PRKN: variants seen among roughly 807,000 people sequenced by gnomAD.
PRKN encodes parkin RBR E3 ubiquitin protein ligase.
In PRKN, 56 loss-of-function variants were observed where a neutral mutation model predicts 59.5. That is an observed-to-expected ratio of 0.94 (90% CI 0.76 to 1.18). PRKN has a LOEUF of 1.18. PRKN is among the 50% of genes most tolerant of loss of function. The probability of loss-of-function intolerance (pLI) is 0.00; values close to 1 mark genes in which losing one functional copy is unlikely to be tolerated. For synonymous variants in PRKN, 250 were observed against 222.1 expected (o/e 1.13, Z -1.12); for missense variants, 657 against 596.4 (o/e 1.10, Z -1.06).
intron 1 of PRKN, among the ~76,000 whole-genome samples, chr6:162,668,182 T>C (rs1237265678): frequency 1.3e-5 from 2 of 152,224 alleles, no homozygotes; most frequent in African/African-American, 2.4e-5. Flanking sequence ...CATCAGAGTA[T>C]TTCATCAAGA....
At chr6:162,663,961 C>A (rs1464132579) in intron 1 of PRKN, among the ~76,000 whole-genome samples, 1 of 151,308 alleles carries the variant, frequency 6.6e-6, no homozygotes, top group Non-Finnish European at 1.5e-5. Flanking sequence ...GCAGAACATG[C>A]AGGTATACAC....
rs993988096 is a variant in PRKN, at chr6:161,409,176, C to T, written c.1084-22299G>A. Among the ~76,000 whole-genome samples, 4 of 152,136 alleles carry T rather than the reference C, an allele frequency of 2.6e-5. No individual in the cohort carries two copies. Among genetic ancestry groups the T allele is most frequent in the Non-Finnish European group, 4.4e-5 (3 of 68,034 alleles). The stretch of plus-strand genomic sequence containing the variant: ...GGCCAGGCTGGTCTCGAACTCCTGA[C>T]CTTGTGATCCACCCGCACTGGACTC... On this transcript the variant is annotated intron_variant, in intron 9 of 11. Transcript: ENST00000366898. The surrounding 1 kb of genome is among the most constrained non-coding windows in gnomAD (Gnocchi z 4.6).
chr6:162,670,253 A>G (rs1318939975), intron 1 of PRKN, among the ~76,000 whole-genome samples: 1 of 152,226 alleles, frequency 6.6e-6, no homozygotes, highest in African/African-American at 2.4e-5. Flanking sequence ...TTTTGTAACT[A>G]GCTCTAAGAA....
At chr6:162,509,666 C>T (rs1445494657) in intron 1 of PRKN, among the ~76,000 whole-genome samples, 1 of 152,134 alleles carries the variant, frequency 6.6e-6, no homozygotes, top group Non-Finnish European at 1.5e-5. Flanking sequence ...TAGCAAATGT[C>T]TTACATTACA....
intron 2 of PRKN, among the ~76,000 whole-genome samples, chr6:162,392,035 G>A (rs548444139): frequency 8.8e-6 from 1 of 113,490 alleles, no homozygotes; most frequent in South Asian, 2.8e-4. Context: ...GCCATTTCAT[G>A]ATTTTTTTTT....
intron 1 of PRKN, among the ~76,000 whole-genome samples, chr6:162,629,801 ATT>A (rs1030513499): frequency 2.0e-5 from 3 of 152,182 alleles, no homozygotes; most frequent in Non-Finnish European, 4.4e-5. Context: ...TTAAATCTGA[ATT>A]TTGTCACAGA....
At chr6:161,711,635 G>T (rs1475313476) in intron 7 of PRKN, among the ~76,000 whole-genome samples, 1 of 152,134 alleles carries the variant, frequency 6.6e-6, no homozygotes, top group East Asian at 1.9e-4. Context: ...TTCTGTGAGG[G>T]TGTTGCCAAA....
At chr6:162,711,419 T>TC (rs1562517053) in intron 1 of PRKN, among the ~76,000 whole-genome samples, 1 of 23,720 alleles carries the variant, frequency 4.2e-5, no homozygotes, top group Non-Finnish European at 7.7e-5. Context: ...AAACTGCTAT[T>TC]TAAAAAAAAA....
intron 7 of PRKN, among the ~76,000 whole-genome samples, chr6:161,667,190 C>T (rs948004068): frequency 1.3e-5 from 2 of 152,134 alleles, no homozygotes; most frequent in Non-Finnish European, 2.9e-5. Flanking sequence ...GGAGTTTTAG[C>T]CGTCATCATT....
intron 7 of PRKN, among the ~76,000 whole-genome samples, chr6:161,779,133 T>A (rs926907615): frequency 1.3e-5 from 2 of 151,864 alleles, no homozygotes; most frequent in African/African-American, 2.4e-5. Flanking sequence ...GGACACGGGG[T>A]TTCACCACGT....
rs554910970 is a variant in PRKN, at chr6:162,397,851, A to T, written c.171+45459T>A. Among the ~76,000 whole-genome samples, 3 of 152,046 alleles carry T rather than the reference A, an allele frequency of 2.0e-5. No homozygotes were observed. In the South Asian group the frequency reaches 6.2e-4, roughly 31 times the overall value. On this transcript the variant is annotated intron_variant, in intron 2 of 11. Transcript: ENST00000366898. Reference sequence around the variant, plus strand: ...CAGGAGTTCAAGAACAGCCTGGCCAATGTAGTGAAACCCCATCTCTAGTAA... The same window carrying T: ...CAGGAGTTCAAGAACAGCCTGGCCATTGTAGTGAAACCCCATCTCTAGTAA...
At chr6:162,257,321 C>A (rs1348292622) in intron 3 of PRKN, among the ~76,000 whole-genome samples, 1 of 151,476 alleles carries the variant, frequency 6.6e-6, no homozygotes, top group Non-Finnish European at 1.5e-5. Flanking sequence ...TTCTCAAAAG[C>A]AAAAAATTCT....
intron 9 of PRKN, among the ~76,000 whole-genome samples, chr6:161,486,665 G>A (rs1251861543): frequency 6.6e-6 from 1 of 152,134 alleles, no homozygotes; most frequent in Non-Finnish European, 1.5e-5. Context: ...CAAAACCTTA[G>A]GGATGCTATT....
At chr6:161,930,417 C>A (rs1321647162) in intron 6 of PRKN, among the ~76,000 whole-genome samples, 1 of 152,138 alleles carries the variant, frequency 6.6e-6, no homozygotes, top group Non-Finnish European at 1.5e-5. Flanking sequence ...CAAACATTGT[C>A]TGGGGACGAA....
At chr6:161,710,380 TG>T (rs1467027777) in intron 7 of PRKN, among the ~76,000 whole-genome samples, 4 of 152,210 alleles carry the variant, frequency 2.6e-5, no homozygotes, top group African/African-American at 9.6e-5. Context: ...ATACCATTTG[TG>T]ACTTAATGAT....
chr6:162,016,339 C>T (rs990276846), intron 5 of PRKN, among the ~76,000 whole-genome samples: 1 of 152,108 alleles, frequency 6.6e-6, no homozygotes, highest in Non-Finnish European at 1.5e-5. Flanking sequence ...ACTTTCCATA[C>T]ACAAAATGTA....
At chr6:161,531,008 A>G (rs1189296494) in intron 9 of PRKN, among the ~76,000 whole-genome samples, 2 of 152,242 alleles carry the variant, frequency 1.3e-5, no homozygotes, top group African/African-American at 4.8e-5. Context: ...AACAGAACAT[A>G]GCACTCCACC....
At chr6:162,589,245 T>A (rs1352033686) in intron 1 of PRKN, among the ~76,000 whole-genome samples, 2 of 152,184 alleles carry the variant, frequency 1.3e-5, no homozygotes, top group Admixed American at 6.5e-5. Context: ...ACGCAGATTT[T>A]AAAAATACCA....
intron 4 of PRKN, among the ~76,000 whole-genome samples, chr6:162,080,670 G>A (rs563560608): frequency 4.6e-5 from 7 of 152,096 alleles, no homozygotes; most frequent in Admixed American, 2.6e-4. Context: ...CAGGTCTTGC[G>A]TCGATGCTGA....
Sources: allele counts gnomAD v4.1 joint callset (sites outside exome capture counted in the v4.1 genomes callset), GRCh38; gene constraint gnomAD v4.1.1; non-coding constraint Gnocchi (gnomAD v3.1); transcripts MANE v1.5; gene names NCBI Gene and HGNC (gene_info 2026-07-23, HGNC 2026-07-21).